The following CA12 variants were observed in gnomAD, a reference collection of about 807,000 sequenced individuals.
CA12 encodes the protein carbonate dehydratase XII.
Under a neutral mutation model 46.8 loss-of-function variants are expected in CA12, and 36 were observed. That is an observed-to-expected ratio of 0.77 (90% CI 0.59 to 1.02). The LOEUF is 1.02. Ranked by LOEUF, CA12 falls within the 50% of genes least tolerant of loss-of-function variation. The pLI is 0.00. For synonymous variants in CA12, 202 were observed against 187.0 expected, an observed-to-expected ratio of 1.08 and a Z score of -0.65; for missense variants, 436 against 451.4, an observed-to-expected ratio of 0.97 and a Z score of 0.31.
intron 10 of CA12, 144 bp from the exon 11 acceptor site, chr15:63,326,501 AG>A: frequency 1.4e-6 from 1 of 706,304 alleles, no homozygotes; most frequent in South Asian, 1.5e-5. Flanking sequence ...TGGTCTTGGG[AG>A]GGAGTGTCAC....
In CA12 at chr15:63,321,945, C is replaced by G. The variant is rs2038796438; in HGVS notation, c.*4340G>C. ...CTCCTGTCTCCCTCCCTGGCTTCAC[C>G]CACAAGGCTTTCTTCTCGGGCTGAT... On this transcript the variant is annotated 3_prime_UTR_variant, in exon 11 of 11. Transcript: ENST00000178638. This position sits in a 1 kb window ranked among gnomAD's most constrained non-coding sequence, Gnocchi z 4.5. 1 of 152,314 alleles carries G rather than the reference C, an allele frequency of 6.6e-6. No individual in the cohort carries two copies. Among genetic ancestry groups the G allele is most frequent in the South Asian group, 2.1e-4 (1 of 4,832 alleles). The allele number at this position is 152,314 out of a possible 1,614,324, so 9.4% of individuals were successfully genotyped here.
chr15:63,323,570 T>A lies in CA12; in HGVS notation c.*2715A>T, dbSNP rs540409933. Reference sequence around the variant, plus strand: ...TTTATAATTTCTTGTAGTTACAGTGTGTATCTTCATTATAATCATTCTTAC... The same window carrying A: ...TTTATAATTTCTTGTAGTTACAGTGAGTATCTTCATTATAATCATTCTTAC... On this transcript the variant is annotated 3_prime_UTR_variant, in exon 11 of 11. Coordinates refer to ENST00000178638, the MANE Select transcript of CA12 (RefSeq NM_001218.5). This position sits in a 1 kb window ranked among gnomAD's most constrained non-coding sequence, Gnocchi z 5.1. 1.7e-4 allele frequency: 26 copies of A among 151,850 alleles called. No homozygotes were observed. The highest frequency in any genetic ancestry group is 5.3e-4 in the Admixed American group (8 of 15,232). The allele number at this position is 151,850 out of a possible 1,614,324, so 9.4% of individuals were successfully genotyped here.
rs373222464 is a variant in CA12 at position 63,326,262 on chromosome 15, T to G, written c.*23A>C. ...GGTCCAAAGCAAGGTCCTTCCTGGA[T>G]GTGCCCGGGAGCTCCGGGGACCTCA... On this transcript the variant is annotated 3_prime_UTR_variant, in exon 11 of 11. Coordinates refer to ENST00000178638, the MANE Select transcript of CA12 (RefSeq NM_001218.5). The G allele has an allele frequency of 9.4e-6, 15 of 1,603,822 alleles. No homozygotes were observed. Among genetic ancestry groups the G allele is most frequent in the Non-Finnish European group, 1.3e-5 (15 of 1,170,784 alleles).
Position 63,381,636 on chromosome 15 carries a change from C to G in CA12, c.85G>C (p.Gly29Arg). ...EQPSSPAPVNGSKWTYFGPDG... is the reference protein window; with the variant it reads ...EQPSSPAPVNRSKWTYFGPDG... ...GGAAAGAAGCAGGCGGAAACTTTAC[C>G]GTTCACTGGGGCCGGGCTGGAAGGC... The change falls in exon 1 of 11, where the codon GGT (glycine) becomes CGT (arginine). Residue 29 changes from glycine to arginine, a missense_variant and splice_region_variant. Transcript: ENST00000178638. 7 of 1,610,242 alleles carry G rather than the reference C, an allele frequency of 4.3e-6. No homozygotes were observed. The highest frequency in any genetic ancestry group is 5.1e-6 in the Non-Finnish European group (6 of 1,178,246).
Position 63,341,923 on chromosome 15 carries a change from T to C in CA12, c.525+79A>G. 2 of 939,666 alleles carry C rather than the reference T, an allele frequency of 2.1e-6. No individual in the cohort carries two copies. The highest frequency in any genetic ancestry group is 2.5e-5 in the East Asian group (1 of 39,950). The allele number at this position is 939,666 out of a possible 1,614,324, so 58.2% of individuals were successfully genotyped here. A position where few individuals can be genotyped will look rare whatever the true frequency, so the allele number is the denominator to read the frequency against. On this transcript the variant is annotated intron_variant, in intron 5 of 10. Transcript: ENST00000178638. This position sits in a 1 kb window ranked among gnomAD's most constrained non-coding sequence, Gnocchi z 5.2. ...ACAGGAACAGCTGATTATCAACAGG[T>C]ATGCATGGAACAAAAGGTGGAATCC...
At chr15:63,381,304 G>A (rs1305453718) in intron 1 of CA12, among the ~76,000 whole-genome samples, 1 of 152,128 alleles carries the variant, frequency 6.6e-6, no homozygotes, top group African/African-American at 2.4e-5. Flanking sequence ...CTTTCTAAAC[G>A]TGGATCAGGG....
chr15:63,359,964 A>G (rs1462698796), intron 2 of CA12, among the ~76,000 whole-genome samples: 1 of 152,212 alleles, frequency 6.6e-6, no homozygotes, highest in Non-Finnish European at 1.5e-5. Flanking sequence ...AAGCTCTGTC[A>G]TGTAGCACAC....
rs1186478020 is a variant in CA12, at chr15:63,321,902, C to T, written c.*4383G>A. The T allele has an allele frequency of 6.6e-6, 1 of 151,218 alleles. No individual in the cohort carries two copies. The highest frequency in any genetic ancestry group is 1.9e-4 in the East Asian group (1 of 5,148). The allele number at this position is 151,218 out of a possible 1,614,324, so 9.4% of individuals were successfully genotyped here. On this transcript the variant is annotated 3_prime_UTR_variant, in exon 11 of 11. Coordinates refer to ENST00000178638, the MANE Select transcript of CA12 (RefSeq NM_001218.5). The surrounding 1 kb of genome is among the most constrained non-coding windows in gnomAD (Gnocchi z 4.5). ...GGCGTCCACGATGTGCTCATTTAGG[C>T]TTGATTTTCCTCCTGCCCTCCTGTC... is the stretch of plus-strand genomic sequence containing the variant.
rs763513111 is a variant in CA12 at position 63,375,681 on chromosome 15, A to G, written c.86-3T>C. The stretch of plus-strand genomic sequence containing the variant: ...ACCAAAATAAGTCCACTTGGAACCT[A>G]CAAAGAACAAAACACAGTAAGTAAG... On this transcript the variant is annotated splice_polypyrimidine_tract_variant and splice_region_variant and intron_variant, in intron 1 of 10. Transcript: ENST00000178638. 1 of 1,575,256 alleles carries G rather than the reference A, an allele frequency of 6.3e-7. No homozygotes were observed. Among genetic ancestry groups the G allele is most frequent in the Non-Finnish European group, 8.7e-7 (1 of 1,146,664 alleles).
At position 63,381,794 on chromosome 15, in the gene CA12, A is replaced by C; in HGVS notation, c.-74T>G. On this transcript the variant is annotated 5_prime_UTR_variant, in exon 1 of 11. Transcript: ENST00000178638. Reference sequence around the variant, plus strand: ...GTGGCCGCTCGCTCTCCAGCTGCACACCGGGACCGCGTGCGCGCAGCCTGG... The same window carrying C: ...GTGGCCGCTCGCTCTCCAGCTGCACCCCGGGACCGCGTGCGCGCAGCCTGG... 1 of 1,009,522 alleles carries C rather than the reference A, an allele frequency of 9.9e-7. No homozygotes were observed. The allele number at this position is 1,009,522 out of a possible 1,614,324, so 62.5% of individuals were successfully genotyped here. A position where few individuals can be genotyped will look rare whatever the true frequency, so the allele number is the denominator to read the frequency against.
chr15:63,375,189 T>C (rs1002902552), intron 2 of CA12, among the ~76,000 whole-genome samples: 1 of 152,234 alleles, frequency 6.6e-6, no homozygotes, highest in African/African-American at 2.4e-5. Flanking sequence ...ATCGCTAGCT[T>C]ACAATCACGG....
intron 8 of CA12, among the ~76,000 whole-genome samples, chr15:63,334,799 C>T (rs566984730): frequency 9.9e-5 from 15 of 152,184 alleles, no homozygotes; most frequent in Non-Finnish European, 1.9e-4. Flanking sequence ...TCTCACGCTA[C>T]GTCTCTTGGT....
In CA12 at chr15:63,329,765, C is replaced by T. The variant is rs118010866; in HGVS notation, c.875-1635G>A. ...TGCCAGCAGGGGGCCAAGGACTCTC[C>T]CTTGGGGCCCTTAACAGCCTGGGGA... On this transcript the variant is annotated intron_variant, in intron 8 of 10. Coordinates refer to ENST00000178638, the MANE Select transcript of CA12 (RefSeq NM_001218.5). This position sits in a 1 kb window ranked among gnomAD's most constrained non-coding sequence, Gnocchi z 4.8. 3.6e-4 allele frequency among the ~76,000 whole-genome samples: 55 copies of T among 152,254 alleles called. No individual in the cohort carries two copies. The East Asian group carries it at 9.6e-3, about 27-fold the overall frequency.
Position 63,342,111 on chromosome 15 carries a change from G to A in CA12, c.430-14C>T. 1.3e-6 allele frequency: 2 copies of A among 1,571,524 alleles called. No homozygotes were observed. Among genetic ancestry groups the A allele is most frequent in the South Asian group, 1.1e-5 (1 of 90,022 alleles). On this transcript the variant is annotated splice_polypyrimidine_tract_variant and intron_variant, in intron 4 of 10. Transcript: ENST00000178638. Reference sequence around the variant, plus strand: ...GACAATGTGCAGCTGCAGTGGGGGAGAAGCCACCCATTAGGAGATAAGCGA... The same window carrying A: ...GACAATGTGCAGCTGCAGTGGGGGAAAAGCCACCCATTAGGAGATAAGCGA...
At chr15:63,359,414 G>A in intron 2 of CA12, among the ~76,000 whole-genome samples, 1 of 151,478 alleles carries the variant, frequency 6.6e-6, no homozygotes. Context: ...CTCACTTCCA[G>A]CCATCACCTA....
rs1019556333 is a variant in CA12, at chr15:63,327,320, G to T, written c.908-87C>A. 1 of 973,370 alleles carries T rather than the reference G, an allele frequency of 1.0e-6. No homozygotes were observed. The highest frequency in any genetic ancestry group is 1.6e-6 in the Non-Finnish European group (1 of 618,992). The allele number at this position is 973,370 out of a possible 1,614,324, so 60.3% of individuals were successfully genotyped here. A position where few individuals can be genotyped will look rare whatever the true frequency, so the allele number is the denominator to read the frequency against. ...CCCCCGGGTGTGAAATCATGGCCCA[G>T]CTGCATAATCATCCACAGAAAGGAA... is the stretch of plus-strand genomic sequence containing the variant. On this transcript the variant is annotated intron_variant, in intron 9 of 10. Coordinates refer to ENST00000178638, the MANE Select transcript of CA12 (RefSeq NM_001218.5). The surrounding 1 kb of genome is among the most constrained non-coding windows in gnomAD (Gnocchi z 4.5).
intron 2 of CA12, among the ~76,000 whole-genome samples, chr15:63,360,350 C>T (rs151254512): frequency 1.3e-5 from 2 of 152,298 alleles, no homozygotes; most frequent in East Asian, 1.9e-4. Flanking sequence ...TGAAAGGAGA[C>T]GTGATCTTTA....
At position 63,326,225 on chromosome 15, in the gene CA12, C is replaced by T. The variant is rs193170550; in HGVS notation, c.*60G>A. On this transcript the variant is annotated 3_prime_UTR_variant, in exon 11 of 11. Coordinates refer to ENST00000178638, the MANE Select transcript of CA12 (RefSeq NM_001218.5). ...GAGGTGTCGCAAGTGTCCAGAGAGC[C>T]GAAGTGTGTAGGGTCCAAAGCAAGG... 987 of 1,289,066 alleles carry T rather than the reference C, an allele frequency of 7.7e-4. 2 individuals are homozygous for T. The highest frequency in any genetic ancestry group is 6.9e-4 in the Non-Finnish European group (610 of 884,062). 79.9% of individuals were successfully genotyped at this position (1,289,066 alleles called of 1,614,324 possible).
intron 1 of CA12, among the ~76,000 whole-genome samples, chr15:63,381,351 C>G (rs938725185): frequency 6.6e-6 from 1 of 152,186 alleles, no homozygotes; most frequent in African/African-American, 2.4e-5. Context: ...CATCTCCTCC[C>G]TGGTTAGCAA....
Sources: gnomAD v4.1 joint callset for allele counts (sites outside exome capture counted in the v4.1 genomes callset) on GRCh38, gnomAD v4.1.1 for gene constraint, Gnocchi (gnomAD v3.1) non-coding constraint, MANE v1.5 for transcripts, NCBI Gene and HGNC (gene_info 2026-07-23, HGNC 2026-07-21) for gene names.